The following MED29 variants were observed in gnomAD, a reference collection of about 807,000 sequenced individuals.
MED29 encodes mediator complex subunit 29.
A neutral mutation model predicts 22.0 loss-of-function variants in MED29; 14 were observed. That is an observed-to-expected ratio of 0.64 (90% CI 0.42 to 0.99). The LOEUF (loss-of-function observed/expected upper bound fraction) is 0.99, where lower values mean the gene tolerates loss of function less well. Among genes scored for constraint, MED29 ranks in the 50% least tolerant of loss-of-function variants. The pLI, the probability that MED29 is intolerant of heterozygous loss-of-function variation, is 0.00. For missense variants in MED29, 241 were observed against 253.7 expected, an observed-to-expected ratio of 0.95 and a Z score of 0.34; for synonymous variants, 123 against 107.8, an observed-to-expected ratio of 1.14 and a Z score of -0.87.
In MED29 at chr19:39,391,631, G is replaced by C. The variant is rs766396416; in HGVS notation, c.209G>C (p.Ser70Thr). Residue 70 changes from serine to threonine, a missense_variant, in exon 1 of 4, where the codon AGT becomes ACT. Ser to Thr is a moderately conservative substitution (Grantham distance 58). Coordinates refer to ENST00000315588, the MANE Select transcript of MED29 (RefSeq NM_017592.4). ...YKMLIPQLKESLQTLMKVAAQ... is the reference protein window; with the variant it reads ...YKMLIPQLKETLQTLMKVAAQ... ...ATGCTCATCCCGCAGCTGAAGGAGA[G>C]TCTACAGGTGATTGGCCTTAAGCAG... The C allele has an allele frequency of 1.3e-5, 20 of 1,589,400 alleles. No individual in the cohort carries two copies. In the South Asian group the frequency reaches 2.1e-4, roughly 17 times the overall value.
Position 39,394,041 on chromosome 19 carries a change from C to G in MED29, c.360+404C>G, listed in dbSNP as rs530028696. On this transcript the variant is annotated intron_variant, in intron 3 of 3. Transcript: ENST00000315588. ...ACAGCACATCTGACCAAGTCTGAAA[C>G]AAAGAAGAGAAGAGGGGCAGGAGTT... Among the ~76,000 whole-genome samples the G allele has an allele frequency of 1.4e-4, 21 of 152,222 alleles. 1 individual carries two copies. Among genetic ancestry groups the G allele is most frequent in the African/African-American group, 4.8e-4 (20 of 41,536 alleles).
intron 3 of MED29, among the ~76,000 whole-genome samples, chr19:39,396,467 C>A (rs2078429028): frequency 6.6e-6 from 1 of 151,392 alleles, no homozygotes; most frequent in South Asian, 2.1e-4. Flanking sequence ...GTGGCTCATG[C>A]CTGTAATCCC....
intron 3 of MED29, among the ~76,000 whole-genome samples, chr19:39,397,015 C>T (rs1450653643): frequency 2.0e-5 from 3 of 146,882 alleles, no homozygotes; most frequent in Non-Finnish European, 3.0e-5. Context: ...GCAACAAAAC[C>T]GAAACTCCAT....
chr19:39,394,697 G>A (rs1200938125), intron 3 of MED29, among the ~76,000 whole-genome samples: 1 of 149,342 alleles, frequency 6.7e-6, no homozygotes, highest in African/African-American at 2.5e-5. Flanking sequence ...CTGAGTAGCT[G>A]GGACTACAGG....
intron 3 of MED29, among the ~76,000 whole-genome samples, chr19:39,396,744 C>G (rs7250396): frequency 0.94 from 143,050 of 151,514 alleles, 67,596 homozygotes; most frequent in East Asian, 1. Context: ...AAAAAAAAAG[C>G]CTGGGCGCGG....
At position 39,397,473 on chromosome 19, in the gene MED29, G is replaced by T. The variant is rs1489105264; in HGVS notation, c.377G>T (p.Cys126Phe). The change falls in exon 4 of 4, where the codon TGC (cysteine) becomes TTC (phenylalanine). Residue 126 changes from cysteine (C) to phenylalanine (F), a missense_variant. Cys to Phe is a radical substitution (Grantham distance 205). Transcript: ENST00000315588. ...TGTCCACAGCGCCTGGCGCATGAGT[G>T]CCTGTCACAGAGTTGTGACAGTGCC... ...LELCLRLAHECLSQSCDSAKH... is the reference protein window; with the variant it reads ...LELCLRLAHEFLSQSCDSAKH... 2 of 1,606,126 alleles carry T rather than the reference G, an allele frequency of 1.2e-6. No homozygotes were observed. Among genetic ancestry groups the T allele is most frequent in the Admixed American group, 1.7e-5 (1 of 59,992 alleles).
Position 39,397,837 on chromosome 19 carries a change from A to G in MED29, c.*138A>G. 2 of 1,403,732 alleles carry G rather than the reference A, an allele frequency of 1.4e-6. No individual in the cohort carries two copies. The highest frequency in any genetic ancestry group is 5.0e-5 in the East Asian group (2 of 39,866). The allele number at this position is 1,403,732 out of a possible 1,614,324, so 87.0% of individuals were successfully genotyped here. A position where few individuals can be genotyped will look rare whatever the true frequency, so the allele number is the denominator to read the frequency against. ...AGCGGGAGCCAGCAGGGGGCAGCAG[A>G]GGCCAACAGGGAGCTCGCAGGCCGG... On this transcript the variant is annotated 3_prime_UTR_variant, in exon 4 of 4. Coordinates refer to ENST00000315588, the MANE Select transcript of MED29 (RefSeq NM_017592.4).
At chr19:39,393,081 C>CTTTTTTTTTTTTT (rs142198224) in intron 2 of MED29, among the ~76,000 whole-genome samples, 46 of 34,722 alleles carry the variant, frequency 1.3e-3, no homozygotes, top group East Asian at 2.7e-3. Flanking sequence ...TCTTTCTTTT[C>CTTTTTTTTTTTTT]TTTTTTTTTT....
Position 39,398,548 on chromosome 19 carries a change from G to T in MED29, c.*849G>T, listed in dbSNP as rs972673916. 6.6e-6 allele frequency: 1 copy of T among 152,664 alleles called. No homozygotes were observed. Among genetic ancestry groups the T allele is most frequent in the African/African-American group, 2.4e-5 (1 of 41,446 alleles). 9.5% of individuals were successfully genotyped at this position (152,664 alleles called of 1,614,324 possible). On this transcript the variant is annotated 3_prime_UTR_variant, in exon 4 of 4. Coordinates refer to ENST00000315588, the MANE Select transcript of MED29 (RefSeq NM_017592.4). ...AAGGAGAAGTGAAAAGGCCCCAGCC[G>T]GGGTGAATCATCAGTCCTGGGGAAG...
At position 39,391,485 on chromosome 19, in the gene MED29, T is replaced by C. The variant is rs150272765; in HGVS notation, c.63T>C (p.Ser21=). ...CAGCTGCTGGTGTATCGGGTCCTAG[T>C]TCGGCTGGCGGCCCGGGTCCCCAGC... is the stretch of plus-strand genomic sequence containing the variant. ...ASSAAGVSGP[S]SAGGPGPQQQ... The change falls in exon 1 of 4, where the codon AGT becomes AGC. Residue 21 remains serine, a synonymous_variant. Transcript: ENST00000315588. 1 of 1,613,196 alleles carries C rather than the reference T, an allele frequency of 6.2e-7. No homozygotes were observed. The highest frequency in any genetic ancestry group is 2.2e-5 in the East Asian group (1 of 44,884).
chr19:39,398,438 CA>C lies in MED29; in HGVS notation c.*740del, dbSNP rs2078442838. On this transcript the variant is annotated 3_prime_UTR_variant, in exon 4 of 4. Transcript: ENST00000315588. ...CTCAGGCCCCCACCCAAGCCTGCGT[CA>C]GCGGAACTTGAGTGAGGGGCGTTGT... 1 of 152,770 alleles carries C rather than the reference CA, an allele frequency of 6.5e-6. No homozygotes were observed. The highest frequency in any genetic ancestry group is 1.5e-5 in the Non-Finnish European group (1 of 68,116). The allele number at this position is 152,770 out of a possible 1,614,324, so 9.5% of individuals were successfully genotyped here.
In MED29 at chr19:39,393,601, G is replaced by A. The variant is rs1236677924; in HGVS notation, c.324G>A (p.Glu108=). 8.7e-6 allele frequency: 14 copies of A among 1,614,032 alleles called. No homozygotes were observed. The highest frequency in any genetic ancestry group is 1.1e-5 in the Non-Finnish European group (13 of 1,180,016). ...AGCGCTTTGACAAGTGCCTGGAAGA[G>A]TTCTATGCACTCTGTGACCAGCTGG... ...PIQRFDKCLE[E]FYALCDQLEL... is the part of the protein sequence containing the mutation. The change falls in exon 3 of 4, where the codon GAG becomes GAA. Residue 108 remains glutamate (E), a synonymous_variant. Coordinates refer to ENST00000315588, the MANE Select transcript of MED29 (RefSeq NM_017592.4).
intron 3 of MED29, 35 bp downstream of exon 3, chr19:39,393,672 C>T (rs370646226): frequency 1.1e-4 from 170 of 1,564,776 alleles, no homozygotes; most frequent in Non-Finnish European, 1.4e-4. Context: ...TAACAACAGC[C>T]GTGTCCCAGT....
At chr19:39,393,498 G>C in intron 2 of MED29, 55 bp from the exon 3 acceptor site, 1 of 1,512,288 alleles carries the variant, frequency 6.6e-7, no homozygotes, top group Non-Finnish European at 9.2e-7. Context: ...GTAGATACTG[G>C]TGTCCCAAAG....
intron 3 of MED29, among the ~76,000 whole-genome samples, chr19:39,393,998 A>G (rs73547936): frequency 6.6e-6 from 1 of 152,102 alleles, no homozygotes; most frequent in Admixed American, 6.6e-5. Context: ...AGAGTGGCTT[A>G]GGGAAGGCTA....
chr19:39,394,862 T>TC (rs2078419866), intron 3 of MED29, among the ~76,000 whole-genome samples: 1 of 145,978 alleles, frequency 6.9e-6, no homozygotes. Context: ...ACACCCGGCT[T>TC]TTTTTTTTTT....
At position 39,393,603 on chromosome 19, in the gene MED29, T is replaced by G. The variant is rs771903804; in HGVS notation, c.326T>G (p.Phe109Cys). 3 of 1,614,124 alleles carry G rather than the reference T, an allele frequency of 1.9e-6. No individual in the cohort carries two copies. The highest frequency in any genetic ancestry group is 2.5e-6 in the Non-Finnish European group (3 of 1,179,976). ...IQRFDKCLEE[F>C]YALCDQLELC... ...CGCTTTGACAAGTGCCTGGAAGAGT[T>G]CTATGCACTCTGTGACCAGCTGGAG... Residue 109 changes from phenylalanine (F) to cysteine (C), a missense_variant, in exon 3 of 4, where the codon TTC (phenylalanine) becomes TGC (cysteine). Transcript: ENST00000315588.
Position 39,398,157 on chromosome 19 carries a change from C to G in MED29, c.*458C>G. On this transcript the variant is annotated 3_prime_UTR_variant, in exon 4 of 4. Coordinates refer to ENST00000315588, the MANE Select transcript of MED29 (RefSeq NM_017592.4). ...TCTCCCCATGGTCCTATTTCTCTCA[C>G]TCTGACCTCTCTCTCTTAGTCCCCT... is the stretch of plus-strand genomic sequence containing the variant. 4.1e-6 allele frequency: 1 copy of G among 246,286 alleles called. No individual in the cohort carries two copies. Among genetic ancestry groups the G allele is most frequent in the Non-Finnish European group, 7.9e-6 (1 of 126,600 alleles). The allele number at this position is 246,286 out of a possible 1,614,324, so 15.3% of individuals were successfully genotyped here. A position where few individuals can be genotyped will look rare whatever the true frequency, so the allele number is the denominator to read the frequency against.
intron 1 of MED29, 63 bp downstream of exon 1, chr19:39,391,701 G>A: frequency 6.7e-7 from 1 of 1,503,662 alleles, no homozygotes; most frequent in Non-Finnish European, 8.9e-7. Flanking sequence ...CAGGCCGAGG[G>A]CCAGGTTAGT....
Sources: gnomAD v4.1 joint callset for allele counts (sites outside exome capture counted in the v4.1 genomes callset) on GRCh38, gnomAD v4.1.1 for gene constraint, MANE v1.5 for transcripts, NCBI Gene and HGNC (gene_info 2026-07-23, HGNC 2026-07-21) for gene names.